Variants in ZNF606 observed in about 807,000 individuals in gnomAD.
The protein encoded by ZNF606 is zinc finger protein 606, also known as zinc finger protein 328.
A neutral mutation model predicts 74.9 loss-of-function variants in ZNF606; 37 were observed. That is an observed-to-expected ratio of 0.49 (90% CI 0.38 to 0.65). The LOEUF (loss-of-function observed/expected upper bound fraction) is 0.65, where lower values mean the gene tolerates loss of function less well. Ranked by LOEUF, ZNF606 falls within the 30% of genes least tolerant of loss-of-function variation. The probability of loss-of-function intolerance (pLI) is 0.00; values close to 1 mark genes in which losing one functional copy is unlikely to be tolerated. For synonymous variants in ZNF606, 328 were observed against 312.4 expected, an observed-to-expected ratio of 1.05 and a Z score of -0.53; for missense variants, 852 against 952.9, an observed-to-expected ratio of 0.89 and a Z score of 1.39.
At chr19:57,995,681 T>G (rs547685862) in intron 4 of ZNF606, among the ~76,000 whole-genome samples, 1 of 152,008 alleles carries the variant, frequency 6.6e-6, no homozygotes, top group South Asian at 2.1e-4. Flanking sequence ...TAGCCAGATA[T>G]GGTGGCACAC....
chr19:58,002,735 A>G lies in ZNF606; in HGVS notation c.-391T>C. ...CCCAGCCGGCTCTCCTGACCCCCCA[A>G]GCCCCGCAGCTACGGCGGCCCCACA... On this transcript the variant is annotated 5_prime_UTR_variant, in exon 1 of 7. Transcript: ENST00000551380. 2.2e-6 allele frequency: 1 copy of G among 454,162 alleles called. No individual in the cohort carries two copies. Among genetic ancestry groups the G allele is most frequent in the South Asian group, 1.6e-5 (1 of 64,494 alleles). The allele number at this position is 454,162 out of a possible 1,614,324, so 28.1% of individuals were successfully genotyped here.
chr19:58,002,790 G>A lies in ZNF606; in HGVS notation c.-446C>T, dbSNP rs1408902699. On this transcript the variant is annotated 5_prime_UTR_variant, in exon 1 of 7. Coordinates refer to ENST00000551380, the MANE Select transcript of ZNF606 (RefSeq NM_001348022.3). ...GAGCAAAGGCCTCACCTCAGCCGCG[G>A]ACAATGGCGGCTGCTTCCCCGGCGT... 2 of 452,506 alleles carry A rather than the reference G, an allele frequency of 4.4e-6. No individual in the cohort carries two copies. The highest frequency in any genetic ancestry group is 7.2e-5 in the East Asian group (1 of 13,950). 28.0% of individuals were successfully genotyped at this position (452,506 alleles called of 1,614,324 possible).
chr19:57,997,415 C>T (rs529474667), intron 4 of ZNF606: 1 of 152,256 alleles, frequency 6.6e-6, no homozygotes, highest in East Asian at 1.9e-4. Context: ...CAGATAAATG[C>T]TTTATTTCAA....
intron 4 of ZNF606, among the ~76,000 whole-genome samples, 155 bp from the exon 5 acceptor site, chr19:57,988,876 T>C (rs561566519): frequency 5.9e-5 from 9 of 152,248 alleles, no homozygotes; most frequent in African/African-American, 2.2e-4. Context: ...CAGGTCTCAT[T>C]GAGAACCACC....
intron 6 of ZNF606, among the ~76,000 whole-genome samples, chr19:57,984,754 A>G (rs2073139776): frequency 6.6e-6 from 1 of 152,190 alleles, no homozygotes; most frequent in South Asian, 2.1e-4. Context: ...ACCAACTAAA[A>G]AACTGGCAAA....
intron 4 of ZNF606, among the ~76,000 whole-genome samples, chr19:57,994,909 C>T (rs985328240): frequency 1.3e-4 from 20 of 152,086 alleles, no homozygotes; most frequent in African/African-American, 4.8e-4. Context: ...CCTAGCCGGG[C>T]ATGGTGGCTC....
upstream of ZNF606, chr19:58,003,297 C>T (rs1460444183): frequency 2.2e-6 from 1 of 456,632 alleles, no homozygotes; most frequent in African/African-American, 2.0e-5. Context: ...TTTCCAGAGG[C>T]CAGGCTTTAT....
In ZNF606 at chr19:58,002,380, C is replaced by T; in HGVS notation, c.-52+16G>A. On this transcript the variant is annotated intron_variant, in intron 1 of 6. Coordinates refer to ENST00000551380, the MANE Select transcript of ZNF606 (RefSeq NM_001348022.3). The stretch of plus-strand genomic sequence containing the variant: ...CGACGCGGCCGCGACGCTGCAAAAG[C>T]TCGTCCCGGCCTCACCTGGCTCGCG... 1 of 456,754 alleles carries T rather than the reference C, an allele frequency of 2.2e-6. No individual in the cohort carries two copies. Among genetic ancestry groups the T allele is most frequent in the Non-Finnish European group, 4.4e-6 (1 of 226,988 alleles). 28.3% of individuals were successfully genotyped at this position (456,754 alleles called of 1,614,324 possible).
chr19:57,978,292 C>T lies in ZNF606; in HGVS notation c.*9G>A, dbSNP rs775894130. On this transcript the variant is annotated 3_prime_UTR_variant, in exon 7 of 7. Coordinates refer to ENST00000551380, the MANE Select transcript of ZNF606 (RefSeq NM_001348022.3). The surrounding 1 kb of genome is among the most constrained non-coding windows in gnomAD (Gnocchi z 4.4). ...TCAAATGTACAAGAAACGAAAAACT[C>T]GCATAAATTCAATTCAGTTTCTCTT... is the stretch of plus-strand genomic sequence containing the variant. 2.0e-5 allele frequency: 31 copies of T among 1,543,210 alleles called. No individual in the cohort carries two copies. Among genetic ancestry groups the T allele is most frequent in the African/African-American group, 8.3e-5 (6 of 72,174 alleles).
At position 58,000,229 on chromosome 19, in the gene ZNF606, T is replaced by TC. The variant is rs1292539112; in HGVS notation, c.89-334_89-333insG. 310 of 198,906 alleles carry TC rather than the reference T, an allele frequency of 1.6e-3. 1 individual carries two copies. Among genetic ancestry groups the TC allele is most frequent in the Non-Finnish European group, 2.3e-3 (268 of 116,446 alleles). 12.3% of individuals were successfully genotyped at this position (198,906 alleles called of 1,614,324 possible). ...ATCACCTTACTGCTCACTGGTTTTCTTTTTTTTTTTGAGACTGAGTCTCGC... is the reference window on the plus strand; with the variant it reads ...ATCACCTTACTGCTCACTGGTTTTCTCTTTTTTTTTTGAGACTGAGTCTCGC... On this transcript the variant is annotated intron_variant, in intron 3 of 6. Transcript: ENST00000551380.
intron 4 of ZNF606, among the ~76,000 whole-genome samples, chr19:57,992,851 A>T (rs1046768363): frequency 1.3e-5 from 2 of 152,256 alleles, no homozygotes; most frequent in African/African-American, 2.4e-5. Flanking sequence ...AAGCTGGTCA[A>T]CATGGGTGCT....
At chr19:57,998,539 T>C (rs1401583723) in intron 4 of ZNF606, 1 of 152,092 alleles carries the variant, frequency 6.6e-6, no homozygotes, top group Non-Finnish European at 1.5e-5. Context: ...GAAAGTACAC[T>C]AGTGGTTGGG....
At position 57,979,560 on chromosome 19, in the gene ZNF606, A is replaced by G. The variant is rs751562932; in HGVS notation, c.1120T>C (p.Tyr374His). 8.7e-6 allele frequency: 14 copies of G among 1,613,158 alleles called. No homozygotes were observed. The East Asian group carries it at 2.9e-4, about 33-fold the overall frequency. ...KIGTVEKAYKYNEWEKVFGYD... is the reference protein window; with the variant it reads ...KIGTVEKAYKHNEWEKVFGYD... ...CCAAAGACTTTCTCCCATTCATTGT[A>G]TTTATACGCTTTCTCTACAGTACCA... The change falls in exon 7 of 7, where the codon TAC (tyrosine) becomes CAC (histidine). Residue 374 changes from tyrosine (Y) to histidine (H), a missense_variant. Tyr to His is a moderately conservative substitution (Grantham distance 83). Coordinates refer to ENST00000551380, the MANE Select transcript of ZNF606 (RefSeq NM_001348022.3).
In ZNF606 at chr19:58,002,733, C is replaced by CG; in HGVS notation, c.-390_-389insC. 1 of 452,624 alleles carries CG rather than the reference C, an allele frequency of 2.2e-6. No individual in the cohort carries two copies. Among genetic ancestry groups the CG allele is most frequent in the South Asian group, 1.6e-5 (1 of 64,490 alleles). The allele number at this position is 452,624 out of a possible 1,614,324, so 28.0% of individuals were successfully genotyped here. A position where few individuals can be genotyped will look rare whatever the true frequency, so the allele number is the denominator to read the frequency against. On this transcript the variant is annotated 5_prime_UTR_variant, in exon 1 of 7. Coordinates refer to ENST00000551380, the MANE Select transcript of ZNF606 (RefSeq NM_001348022.3). ...CTCCCAGCCGGCTCTCCTGACCCCC[C>CG]AAGCCCCGCAGCTACGGCGGCCCCA...
At chr19:57,989,955 G>A (rs2073228749) in intron 4 of ZNF606, among the ~76,000 whole-genome samples, 3 of 149,820 alleles carry the variant, frequency 2.0e-5, no homozygotes, top group Non-Finnish European at 3.0e-5. Context: ...GGGAGGCTGA[G>A]GCAGGAGAAT....
chr19:57,999,690 C>T (rs756791568), intron 4 of ZNF606, 118 bp downstream of exon 4: 2 of 1,025,578 alleles, frequency 2.0e-6, no homozygotes, highest in Non-Finnish European at 3.0e-6. Flanking sequence ...GGATTAACTT[C>T]CAGTTGCTTC....
chr19:57,983,153 A>AT (rs1455485767), intron 6 of ZNF606, among the ~76,000 whole-genome samples: 1 of 152,236 alleles, frequency 6.6e-6, no homozygotes, highest in Non-Finnish European at 1.5e-5. Flanking sequence ...GTCCAACTTT[A>AT]TACTCACTCA....
At chr19:57,981,866 T>A (rs1352174593) in intron 6 of ZNF606, among the ~76,000 whole-genome samples, 1 of 152,204 alleles carries the variant, frequency 6.6e-6, no homozygotes, top group African/African-American at 2.4e-5. Flanking sequence ...AGTCTGCTAA[T>A]CTGTATGTGA....
At chr19:57,996,259 T>G (rs910711445) in intron 4 of ZNF606, among the ~76,000 whole-genome samples, 6 of 152,198 alleles carry the variant, frequency 3.9e-5, no homozygotes, top group Non-Finnish European at 8.8e-5. Context: ...CCCAGCATTT[T>G]GAGAGGGCAA....
Sources: gnomAD v4.1 joint callset for allele counts (sites outside exome capture counted in the v4.1 genomes callset) on GRCh38, gnomAD v4.1.1 for gene constraint, Gnocchi (gnomAD v3.1) non-coding constraint, MANE v1.5 for transcripts, NCBI Gene and HGNC (gene_info 2026-07-23, HGNC 2026-07-21) for gene names.